The following CACNA1C variants were observed in gnomAD, a reference collection of about 807,000 sequenced individuals.
CACNA1C encodes voltage-dependent L-type calcium channel subunit alpha-1C.
CACNA1C carries 30 observed loss-of-function variants against 229.0 expected under a neutral mutation model. The ratio of observed to expected loss-of-function variants is 0.13; its 90% CI spans 0.10 to 0.18. The LOEUF (loss-of-function observed/expected upper bound fraction) is 0.18, where lower values mean the gene tolerates loss of function less well. Ranked by LOEUF, CACNA1C falls within the 10% of genes least tolerant of loss-of-function variation. The pLI, the probability that CACNA1C is intolerant of heterozygous loss-of-function variation, is 1.00. For missense variants in CACNA1C, 1,658 were observed against 2,845.0 expected (o/e 0.58, Z 9.49); for synonymous variants, 1,114 against 1,132.5 (o/e 0.98, Z 0.33).
At chr12:2,244,407 G>GGTCT (rs1201108178) in intron 3 of CACNA1C, among the ~76,000 whole-genome samples, 1 of 152,190 alleles carries the variant, frequency 6.6e-6, no homozygotes, top group Non-Finnish European at 1.5e-5. Flanking sequence ...CCTAAGGGAA[G>GGTCT]GTGCCAGGTG....
intron 3 of CACNA1C, among the ~76,000 whole-genome samples, chr12:2,290,038 C>A (rs542337095): frequency 6.6e-6 from 1 of 152,244 alleles, no homozygotes; most frequent in East Asian, 1.9e-4. Context: ...TTTCTGACTC[C>A]CAGATTAGTA....
At chr12:2,464,284 G>A (rs1397252064) in intron 5 of CACNA1C, among the ~76,000 whole-genome samples, 1 of 152,112 alleles carries the variant, frequency 6.6e-6, no homozygotes, top group Non-Finnish European at 1.5e-5. Context: ...AGCTAGGTGC[G>A]GGGACAGAGG....
chr12:2,578,570 C>T (rs972990243), intron 13 of CACNA1C, among the ~76,000 whole-genome samples: 8 of 152,076 alleles, frequency 5.3e-5, no homozygotes, highest in Non-Finnish European at 1.2e-4. Context: ...GATGAGGAGG[C>T]GGTGGGAAGT....
intron 18 of CACNA1C, among the ~76,000 whole-genome samples, chr12:2,590,873 C>T (rs1023285025): frequency 1.4e-4 from 22 of 152,186 alleles, no homozygotes; most frequent in African/African-American, 4.8e-4. Flanking sequence ...AGAATACAAA[C>T]ACCTAGGCAG....
chr12:2,414,950 CG>C (rs1209017480), intron 3 of CACNA1C, among the ~76,000 whole-genome samples: 1 of 152,136 alleles, frequency 6.6e-6, no homozygotes, highest in Admixed American at 6.5e-5. Flanking sequence ...CAGGGCTTAC[CG>C]CCTCCTGGAG....
rs778668001 is a variant in CACNA1C, at chr12:2,665,734, T to A, written c.4526+26T>A. ...GTAAGTTCCCAGAGGGAAATCCTGA[T>A]TCCCCAAGCTGAGAGAGGGTATAGC... On this transcript the variant is annotated intron_variant, in intron 36 of 46. Transcript: ENST00000399655. This position sits in a 1 kb window ranked among gnomAD's most constrained non-coding sequence, Gnocchi z 5.9. 23 of 1,603,886 alleles carry A rather than the reference T, an allele frequency of 1.4e-5. No individual in the cohort carries two copies. The highest frequency in any genetic ancestry group is 1.8e-5 in the Non-Finnish European group (21 of 1,174,302).
At chr12:2,496,598 G>A (rs897604466) in intron 7 of CACNA1C, among the ~76,000 whole-genome samples, 4 of 151,154 alleles carry the variant, frequency 2.6e-5, no homozygotes, top group South Asian at 2.1e-4. Flanking sequence ...TCTAACATCC[G>A]TTATTGCATT....
intron 1 of CACNA1C, among the ~76,000 whole-genome samples, chr12:2,071,601 T>C (rs982538850): frequency 1.3e-4 from 20 of 152,168 alleles, no homozygotes; most frequent in African/African-American, 4.8e-4. Flanking sequence ...TTAAAACATG[T>C]ATTGATCTTT....
chr12:2,650,106 G>A (rs2094791779), intron 31 of CACNA1C, among the ~76,000 whole-genome samples: 1 of 152,160 alleles, frequency 6.6e-6, no homozygotes, highest in Non-Finnish European at 1.5e-5. Context: ...GGAGCCTTAG[G>A]AGGAACTGAG....
chr12:2,034,400 T>TA lies in CACNA1C; in HGVS notation c.139+63202dup, dbSNP rs2048743046. Reference sequence around the variant, plus strand: ...AGGAACGAGATTCCACGCAACCTGATAAAGAACTTGCTCATGGTCAGAGTT... The same window carrying TA: ...AGGAACGAGATTCCACGCAACCTGATAAAAGAACTTGCTCATGGTCAGAGTT... On this transcript the variant is annotated intron_variant, in intron 1 of 46. Transcript: ENST00000682462. The surrounding 1 kb of genome is among the most constrained non-coding windows in gnomAD (Gnocchi z 4.1). Among the ~76,000 whole-genome samples, 1 of 152,204 alleles carries TA rather than the reference T, an allele frequency of 6.6e-6. No individual in the cohort carries two copies. Among genetic ancestry groups the TA allele is most frequent in the Non-Finnish European group, 1.5e-5 (1 of 68,034 alleles).
rs113122343 is a variant in CACNA1C, at chr12:2,679,335, A to G, written c.5092-109A>G. 3.9e-3 allele frequency: 3,109 copies of G among 792,496 alleles called. 71 individuals carry two copies. In the African/African-American group the frequency reaches 0.046, roughly 12 times the overall value. 49.1% of individuals were successfully genotyped at this position (792,496 alleles called of 1,614,324 possible). On this transcript the variant is annotated intron_variant, in intron 41 of 46. Coordinates refer to ENST00000399655, the MANE Select transcript of CACNA1C (RefSeq NM_000719.7). This position sits in a 1 kb window ranked among gnomAD's most constrained non-coding sequence, Gnocchi z 5.5. ...GGGCTGTGCCTACCCGAAAGAAGGC[A>G]GCCCGCCTTCCCAGGCCCTGCACTT...
chr12:2,598,345 A>G (rs1336344730), intron 21 of CACNA1C, among the ~76,000 whole-genome samples: 1 of 152,200 alleles, frequency 6.6e-6, no homozygotes, highest in Non-Finnish European at 1.5e-5. Flanking sequence ...TCAGGGCAAC[A>G]CTGGGATGAG....
intron 34 of CACNA1C, among the ~76,000 whole-genome samples, chr12:2,658,922 C>T (rs2095562559): frequency 6.6e-6 from 1 of 151,806 alleles, no homozygotes; most frequent in African/African-American, 2.4e-5. Flanking sequence ...ATATTCTGCA[C>T]AGCTGTACAA....
chr12:2,677,226 G>C lies in CACNA1C; in HGVS notation c.4956+5G>C, dbSNP rs758948589. ...AGGAACGCGCTGTCTCTGCAGGTGA[G>C]GGCCTGGGGGCGGGCCCACACTCCA... On this transcript the variant is annotated splice_donor_5th_base_variant and intron_variant, in intron 40 of 46. Coordinates refer to ENST00000399655, the MANE Select transcript of CACNA1C (RefSeq NM_000719.7). This position sits in a 1 kb window ranked among gnomAD's most constrained non-coding sequence, Gnocchi z 7.4. The C allele has an allele frequency of 1.9e-5, 30 of 1,613,072 alleles. No individual in the cohort carries two copies. In the South Asian group the frequency reaches 3.0e-4, roughly 16 times the overall value.
intron 1 of CACNA1C, among the ~76,000 whole-genome samples, chr12:2,017,239 C>T (rs750708949): frequency 6.6e-6 from 1 of 152,120 alleles, no homozygotes; most frequent in Non-Finnish European, 1.5e-5. Context: ...TAGGTAGCAG[C>T]GGAAACCCTG....
intron 39 of CACNA1C, 147 bp downstream of exon 39, chr12:2,674,789 C>A: frequency 1.4e-6 from 1 of 730,634 alleles, no homozygotes; most frequent in Non-Finnish European, 2.2e-6. Context: ...TGGAGGTCTG[C>A]CTTCAGACCC....
intron 13 of CACNA1C, among the ~76,000 whole-genome samples, chr12:2,569,897 T>TA (rs1289083806): frequency 2.0e-5 from 3 of 152,258 alleles, no homozygotes; most frequent in Non-Finnish European, 4.4e-5. Flanking sequence ...TAAAGCATCT[T>TA]ACATTTCCAC....
At chr12:2,337,652 A>G (rs769377838) in intron 3 of CACNA1C, among the ~76,000 whole-genome samples, 1 of 152,136 alleles carries the variant, frequency 6.6e-6, no homozygotes, top group South Asian at 2.1e-4. Flanking sequence ...AATAGCTAAC[A>G]TTTGTATAGC....
intron 8 of CACNA1C, among the ~76,000 whole-genome samples, chr12:2,509,244 G>A (rs1017095730): frequency 2.0e-5 from 3 of 152,194 alleles, no homozygotes; most frequent in African/African-American, 4.8e-5. Flanking sequence ...CCAGAAGAAA[G>A]CAATAAAAGG....
Sources: allele counts gnomAD v4.1 joint callset (sites outside exome capture counted in the v4.1 genomes callset), GRCh38; gene constraint gnomAD v4.1.1; non-coding constraint Gnocchi (gnomAD v3.1); transcripts MANE v1.5; gene names NCBI Gene and HGNC (gene_info 2026-07-23, HGNC 2026-07-21).